ADD3: variants seen among roughly 807,000 people sequenced by gnomAD.
ADD3 encodes the protein gamma-adducin.
In ADD3, 25 loss-of-function variants were observed where a neutral mutation model predicts 80.2. The ratio of observed to expected loss-of-function variants is 0.31; its 90% CI spans 0.23 to 0.44. ADD3 has a LOEUF of 0.44. Among genes scored for constraint, ADD3 ranks in the 20% least tolerant of loss-of-function variants. ADD3 has a pLI of 1.00. For synonymous variants in ADD3, 284 were observed against 289.6 expected, an observed-to-expected ratio of 0.98 and a Z score of 0.20; for missense variants, 829 against 847.5, an observed-to-expected ratio of 0.98 and a Z score of 0.27.
At chr10:110,097,278 A>G (rs1049602500) in intron 1 of ADD3, among the ~76,000 whole-genome samples, 1 of 152,114 alleles carries the variant, frequency 6.6e-6, no homozygotes, top group Non-Finnish European at 1.5e-5. Context: ...TTTGTATCCT[A>G]TCTTACCTGT....
At chr10:110,051,915 A>G (rs1477776176) in intron 1 of ADD3, among the ~76,000 whole-genome samples, 2 of 152,046 alleles carry the variant, frequency 1.3e-5, no homozygotes, top group Non-Finnish European at 2.9e-5. Context: ...CGATCCTCCA[A>G]CCCAGCCTCC....
intron 11 of ADD3, among the ~76,000 whole-genome samples, 155 bp downstream of exon 11, chr10:110,126,100 C>G (rs1214191719): frequency 6.6e-6 from 1 of 152,178 alleles, no homozygotes; most frequent in Non-Finnish European, 1.5e-5. Flanking sequence ...TTGAATGCCT[C>G]CAGCTCTGTG....
chr10:110,078,558 T>C (rs920293769), intron 1 of ADD3, among the ~76,000 whole-genome samples: 4 of 152,196 alleles, frequency 2.6e-5, no homozygotes, highest in African/African-American at 9.7e-5. Context: ...TAGGCCAACC[T>C]CCTGCCACAA....
At chr10:110,046,339 A>G (rs538979298) in intron 1 of ADD3, among the ~76,000 whole-genome samples, 1 of 152,216 alleles carries the variant, frequency 6.6e-6, no homozygotes, top group East Asian at 1.9e-4. Context: ...AACATACATA[A>G]TCAACTGTTT....
At chr10:110,082,263 G>A (rs1846155211) in intron 1 of ADD3, among the ~76,000 whole-genome samples, 1 of 151,714 alleles carries the variant, frequency 6.6e-6, no homozygotes. Context: ...CTGAGCTTCA[G>A]AATACATTTG....
chr10:110,093,012 C>A (rs1847740087), intron 1 of ADD3, among the ~76,000 whole-genome samples: 1 of 152,112 alleles, frequency 6.6e-6, no homozygotes. Context: ...ACACATGCCA[C>A]CATGCCCAGC....
chr10:110,126,175 C>T (rs1194301930), intron 11 of ADD3, among the ~76,000 whole-genome samples: 1 of 152,104 alleles, frequency 6.6e-6, no homozygotes, highest in East Asian at 1.9e-4. Flanking sequence ...TTAGAGAACC[C>T]TGCTATTAGG....
intron 1 of ADD3, among the ~76,000 whole-genome samples, chr10:110,048,817 G>A (rs754721986): frequency 2.0e-5 from 3 of 152,192 alleles, no homozygotes; most frequent in Non-Finnish European, 2.9e-5. Flanking sequence ...TGATAGAAAA[G>A]GAAAAGCCAT....
Position 110,112,777 on chromosome 10 carries a change from G to A in ADD3, c.196G>A (p.Ala66Thr), listed in dbSNP as rs1477805329. 1.9e-6 allele frequency: 3 copies of A among 1,612,350 alleles called. No individual in the cohort carries two copies. Among genetic ancestry groups the A allele is most frequent in the Non-Finnish European group, 8.5e-7 (1 of 1,179,358 alleles). ...CAGTCTTTATTTTTGTGTATTACAG[G>A]CCTTTCGGGAAGACTTGGAATGCCT... ...KRVTQILQSPAFREDLECLIQ... is the reference protein window; with the variant it reads ...KRVTQILQSPTFREDLECLIQ... The change falls in exon 3 of 15, where the codon GCC becomes ACC. Residue 66 changes from alanine to threonine, a missense_variant and splice_region_variant. Physicochemically the swap from Ala to Thr is moderately conservative, Grantham distance 58. Transcript: ENST00000356080.
At chr10:110,082,739 A>G (rs1454363692) in intron 1 of ADD3, among the ~76,000 whole-genome samples, 2 of 152,198 alleles carry the variant, frequency 1.3e-5, no homozygotes, top group Non-Finnish European at 2.9e-5. Flanking sequence ...AGATTTTTAG[A>G]AATTGCTCTT....
upstream of ADD3, among the ~76,000 whole-genome samples, chr10:110,001,658 C>T (rs1247241204): frequency 2.0e-5 from 3 of 152,042 alleles, no homozygotes; most frequent in Non-Finnish European, 2.9e-5. Flanking sequence ...AGTCCTCAAT[C>T]GTCTTCTTTA....
intron 1 of ADD3, among the ~76,000 whole-genome samples, chr10:110,058,905 A>C (rs917234392): frequency 6.6e-6 from 1 of 152,194 alleles, no homozygotes; most frequent in African/African-American, 2.4e-5. Flanking sequence ...TGGTTGCAAA[A>C]GTTTTCCCAG....
intron 4 of ADD3, 59 bp from the exon 5 acceptor site, chr10:110,117,283 T>G: frequency 1.2e-6 from 1 of 852,168 alleles, no homozygotes; most frequent in Non-Finnish European, 1.9e-6. Flanking sequence ...TTTGTAGTCA[T>G]GTTTCCACTG....
In ADD3 at chr10:110,031,572, A is replaced by T. The variant is rs537632022; in HGVS notation, c.-30+23273A>T. 2.0e-5 allele frequency among the ~76,000 whole-genome samples: 3 copies of T among 152,174 alleles called. No homozygotes were observed. In the South Asian group the frequency reaches 6.2e-4, roughly 32 times the overall value. On this transcript the variant is annotated intron_variant, in intron 1 of 14. Coordinates refer to ENST00000356080, the MANE Select transcript of ADD3 (RefSeq NM_016824.5). ...TTCATTTCCATGTGTGTCCTTTAAC[A>T]TGAAGCGGAGTACTGTTTATAAAGG...
intron 1 of ADD3, among the ~76,000 whole-genome samples, chr10:110,038,925 T>C (rs917716637): frequency 6.6e-6 from 1 of 152,200 alleles, no homozygotes; most frequent in African/African-American, 2.4e-5. Context: ...GGCTATAATA[T>C]GTGTAATATG....
chr10:110,053,528 T>TA (rs1857768275), intron 1 of ADD3, among the ~76,000 whole-genome samples: 1 of 143,248 alleles, frequency 7.0e-6, no homozygotes, highest in South Asian at 2.1e-4. Flanking sequence ...TGAGTAAACT[T>TA]AAAGTAGTAC....
chr10:110,051,077 A>G (rs1223503359), intron 1 of ADD3, among the ~76,000 whole-genome samples: 1 of 152,222 alleles, frequency 6.6e-6, no homozygotes, highest in Non-Finnish European at 1.5e-5. Flanking sequence ...GTCTTTTTCA[A>G]GAAATAGTGC....
chr10:109,999,247 C>T (rs1437978818), intron 1 of ADD3, among the ~76,000 whole-genome samples: 2 of 152,216 alleles, frequency 1.3e-5, no homozygotes, highest in African/African-American at 4.8e-5. Context: ...TCTACCAACA[C>T]ACTTTATATT....
intron 1 of ADD3, among the ~76,000 whole-genome samples, chr10:110,009,618 G>T (rs1459480925): frequency 1.3e-5 from 2 of 152,074 alleles, no homozygotes; most frequent in African/African-American, 4.8e-5. Context: ...CCATTATATT[G>T]TACTTGCATT....
Sources: gnomAD v4.1 joint callset for allele counts (sites outside exome capture counted in the v4.1 genomes callset) on GRCh38, gnomAD v4.1.1 for gene constraint, MANE v1.5 for transcripts, NCBI Gene and HGNC (gene_info 2026-07-23, HGNC 2026-07-21) for gene names.